UGP2: variants seen among roughly 807,000 people sequenced by gnomAD.
The protein encoded by UGP2 is UTP--glucose-1-phosphate uridylyltransferase.
A neutral mutation model predicts 49.0 loss-of-function variants in UGP2; 40 were observed. The observed-to-expected ratio is 0.82, with a 90% CI of 0.63 to 1.06. The LOEUF is 1.06. Ranked by LOEUF, UGP2 falls within the 50% of genes least tolerant of loss-of-function variation. The pLI is 0.00. For missense variants in UGP2, 460 were observed against 603.5 expected, an observed-to-expected ratio of 0.76 and a Z score of 2.49; for synonymous variants, 225 against 213.0, an observed-to-expected ratio of 1.06 and a Z score of -0.49.
At chr2:63,876,056 C>T (rs2104334948) in intron 3 of UGP2, among the ~76,000 whole-genome samples, 1 of 152,066 alleles carries the variant, frequency 6.6e-6, no homozygotes, top group South Asian at 2.1e-4. Flanking sequence ...AAGTGGAAGG[C>T]AGGCCTAAAA....
At chr2:63,858,064 T>C in intron 3 of UGP2, 128 bp downstream of exon 3, 1 of 787,046 alleles carries the variant, frequency 1.3e-6, no homozygotes, top group Non-Finnish European at 2.0e-6. Flanking sequence ...CTTTGAATTC[T>C]CTGACCCCTC....
Position 63,851,763 on chromosome 2 carries a change from G to A in UGP2, c.20-4543G>A, listed in dbSNP as rs566299367. The stretch of plus-strand genomic sequence containing the variant: ...ATTCATTTGGCTTTCAAAAATGAGG[G>A]TCTTTTTATCCCATAAATCCTGAAG... On this transcript the variant is annotated intron_variant, in intron 1 of 9. Transcript: ENST00000337130. Among the ~76,000 whole-genome samples, 25 of 152,262 alleles carry A rather than the reference G, an allele frequency of 1.6e-4. 2 individuals carry two copies. The South Asian group carries it at 5.2e-3, about 32-fold the overall frequency.
rs181462899 is a variant in UGP2 at position 63,881,021 on chromosome 2, A to T, written c.256-1445A>T. Among the ~76,000 whole-genome samples the T allele has an allele frequency of 2.0e-5, 3 of 152,338 alleles. No homozygotes were observed. In the East Asian group the frequency reaches 5.8e-4, roughly 29 times the overall value. ...GACAATCCTACCACATGAGGAAAGA[A>T]TTGATCATTAGTGATGATTGGAGCA... On this transcript the variant is annotated intron_variant, in intron 3 of 9. Coordinates refer to ENST00000337130, the MANE Select transcript of UGP2 (RefSeq NM_006759.4).
intron 3 of UGP2, among the ~76,000 whole-genome samples, chr2:63,874,827 A>T (rs1670806261): frequency 6.6e-6 from 1 of 150,998 alleles, no homozygotes; most frequent in Non-Finnish European, 1.5e-5. Flanking sequence ...GCTTCCCACC[A>T]TGTGATCTCT....
intron 2 of UGP2, 103 bp downstream of exon 2, chr2:63,856,536 A>G: frequency 7.5e-7 from 1 of 1,334,662 alleles, no homozygotes; most frequent in Non-Finnish European, 1.0e-6. Context: ...TCAAATCAGC[A>G]CAAGATGTAC....
intron 3 of UGP2, 108 bp downstream of exon 3, chr2:63,858,044 AC>A (rs1669569554): frequency 2.0e-6 from 2 of 988,560 alleles, no homozygotes; most frequent in African/African-American, 3.3e-5. Flanking sequence ...GTGAGACAAG[AC>A]AGGACTTGCT....
chr2:63,890,238 A>G (rs1672003542), intron 9 of UGP2, 53 bp downstream of exon 9: 1 of 1,316,596 alleles, frequency 7.6e-7, no homozygotes, highest in South Asian at 1.3e-5. Context: ...TATAGGTCTC[A>G]TTTTCTAGTC....
At chr2:63,882,141 A>T (rs1450948808) in intron 3 of UGP2, among the ~76,000 whole-genome samples, 3 of 152,218 alleles carry the variant, frequency 2.0e-5, no homozygotes, top group Non-Finnish European at 4.4e-5. Flanking sequence ...TTGATGCAAA[A>T]TGGGAATTGA....
chr2:63,891,284 C>G lies in UGP2; in HGVS notation c.*57C>G. 7.0e-7 allele frequency: 1 copy of G among 1,437,290 alleles called. No homozygotes were observed. The highest frequency in any genetic ancestry group is 9.7e-7 in the Non-Finnish European group (1 of 1,028,818). 89.0% of individuals were successfully genotyped at this position (1,437,290 alleles called of 1,614,324 possible). A position where few individuals can be genotyped will look rare whatever the true frequency, so the allele number is the denominator to read the frequency against. On this transcript the variant is annotated 3_prime_UTR_variant, in exon 10 of 10. Coordinates refer to ENST00000337130, the MANE Select transcript of UGP2 (RefSeq NM_006759.4). ...GGCTAGTTTCTTACAATGAAATGTT[C>G]TCTAGGATTCTAAAATAGGCAGGTA... is the stretch of plus-strand genomic sequence containing the variant.
chr2:63,856,681 A>C, intron 2 of UGP2: 6 of 511,436 alleles, frequency 1.2e-5, no homozygotes, highest in East Asian at 4.6e-5. Flanking sequence ...TCAGAACCAA[A>C]TTATACTTTG....
intron 8 of UGP2, chr2:63,889,844 G>T: frequency 5.2e-6 from 2 of 385,128 alleles, no homozygotes. Flanking sequence ...AAAACCCTTA[G>T]ATCTGCTCAA....
chr2:63,884,168 C>CAGGG, intron 5 of UGP2, 75 bp downstream of exon 5: 2 of 1,549,226 alleles, frequency 1.3e-6, no homozygotes, highest in South Asian at 2.4e-5. Flanking sequence ...TATAACAGAG[C>CAGGG]AGTTTCAAGA....
chr2:63,847,394 A>G (rs1161062956), intron 1 of UGP2, among the ~76,000 whole-genome samples: 1 of 152,216 alleles, frequency 6.6e-6, no homozygotes, highest in Non-Finnish European at 1.5e-5. Context: ...CCTAATAATG[A>G]AAGTGTTTCA....
chr2:63,873,001 GC>G (rs1670661983), intron 3 of UGP2, among the ~76,000 whole-genome samples: 2 of 152,234 alleles, frequency 1.3e-5, no homozygotes, highest in Middle Eastern at 3.4e-3. Flanking sequence ...GCATCCGTGA[GC>G]CTTACATCCA....
chr2:63,865,526 G>C (rs1320722694), intron 3 of UGP2, among the ~76,000 whole-genome samples: 1 of 141,376 alleles, frequency 7.1e-6, no homozygotes, highest in Non-Finnish European at 1.5e-5. Flanking sequence ...CAGAATGCTT[G>C]GGTCTATTTT....
chr2:63,885,542 A>G (rs758136906), intron 5 of UGP2, 47 bp from the exon 6 acceptor site: 8 of 1,398,912 alleles, frequency 5.7e-6, no homozygotes, highest in Middle Eastern at 2.0e-4. Flanking sequence ...AAGGCCTGAA[A>G]TGCTCTACAG....
At chr2:63,862,147 A>G (rs561339182) in intron 3 of UGP2, among the ~76,000 whole-genome samples, 1 of 152,226 alleles carries the variant, frequency 6.6e-6, no homozygotes, top group Admixed American at 6.5e-5. Context: ...CAACTAGCCA[A>G]TGATAAAGCC....
At chr2:63,857,524 G>C in intron 2 of UGP2, 1 of 446,988 alleles carries the variant, frequency 2.2e-6, no homozygotes, top group South Asian at 1.7e-5. Context: ...CACCACATCT[G>C]GCTAATTTTT....
chr2:63,883,768 G>A (rs1671478140), intron 4 of UGP2, among the ~76,000 whole-genome samples, 192 bp from the exon 5 acceptor site: 1 of 152,232 alleles, frequency 6.6e-6, no homozygotes, highest in Admixed American at 6.5e-5. Context: ...GTGATTTAAT[G>A]AGCAAGTGCA....
Sources: gnomAD v4.1 joint callset for allele counts (sites outside exome capture counted in the v4.1 genomes callset) on GRCh38, gnomAD v4.1.1 for gene constraint, MANE v1.5 for transcripts, NCBI Gene and HGNC (gene_info 2026-07-23, HGNC 2026-07-21) for gene names.